Variants in UTP20 observed in about 807,000 individuals in gnomAD.
UTP20 encodes UTP20 small subunit processome component, also known as small subunit processome component 20 homolog.
Under a neutral mutation model 329.5 loss-of-function variants are expected in UTP20, and 164 were observed. The observed-to-expected ratio is 0.50, with a 90% CI of 0.44 to 0.57. The LOEUF (loss-of-function observed/expected upper bound fraction) is 0.57. UTP20 is among the 20% of genes least tolerant of loss of function. The pLI, the probability that UTP20 is intolerant of heterozygous loss-of-function variation, is 0.00. For synonymous variants in UTP20, 1,151 were observed against 1,159.3 expected, an observed-to-expected ratio of 0.99 and a Z score of 0.14; for missense variants, 3,055 against 3,284.2, an observed-to-expected ratio of 0.93 and a Z score of 1.71.
chr12:101,312,218 C>T lies in UTP20; in HGVS notation c.2494C>T (p.Pro832Ser). Residue 832 changes from proline (P) to serine (S), a missense_variant, in exon 21 of 62, where the codon CCA (proline) becomes TCA (serine). Physicochemically the swap from Pro to Ser is moderately conservative, Grantham distance 74. Around this residue, in one of 3 missense-constraint regions of UTP20, gnomAD observed 2,445 missense variants for 2,575.5 expected, o/e 0.95. Coordinates refer to ENST00000261637, the MANE Select transcript of UTP20 (RefSeq NM_014503.3). Reference sequence around the variant, plus strand: ...GCTCTGGAGAGCTCTGACCAAATTCCCAGAAAGAGTAGAGCCACGGTCCAG... The same window carrying T: ...GCTCTGGAGAGCTCTGACCAAATTCTCAGAAAGAGTAGAGCCACGGTCCAG... ...FLLWRALTKF[P>S]ERVEPRSREL... 6.2e-7 allele frequency: 1 copy of T among 1,614,200 alleles called. No individual in the cohort carries two copies. Among genetic ancestry groups the T allele is most frequent in the Non-Finnish European group, 8.5e-7 (1 of 1,180,026 alleles).
chr12:101,320,283 C>T (rs1187778912), intron 23 of UTP20, among the ~76,000 whole-genome samples: 1 of 152,168 alleles, frequency 6.6e-6, no homozygotes, highest in African/African-American at 2.4e-5. Flanking sequence ...AGGCTGCACA[C>T]AGTAGCTCAC....
At chr12:101,311,390 CT>C (rs981424068) in intron 19 of UTP20, among the ~76,000 whole-genome samples, 4 of 152,170 alleles carry the variant, frequency 2.6e-5, no homozygotes, top group Non-Finnish European at 4.4e-5. Context: ...TGACTTTTCT[CT>C]CCAGAGGGCC....
intron 46 of UTP20, among the ~76,000 whole-genome samples, chr12:101,366,186 C>A (rs1248648595): frequency 6.6e-6 from 1 of 152,010 alleles, no homozygotes; most frequent in Non-Finnish European, 1.5e-5. Context: ...GAGCCGAGAT[C>A]GCGCCACTGT....
rs752052870 is a variant in UTP20 at position 101,281,107 on chromosome 12, C to A, written c.46-9C>A. On this transcript the variant is annotated splice_polypyrimidine_tract_variant and intron_variant, in intron 1 of 61. Coordinates refer to ENST00000261637, the MANE Select transcript of UTP20 (RefSeq NM_014503.3). ...TAATTATGTATCTTAAATATACTTT[C>A]CCTTCCAGTTTCTTACATTTGCTGA... The A allele has an allele frequency of 6.2e-7, 1 of 1,605,866 alleles. No individual in the cohort carries two copies. Among genetic ancestry groups the A allele is most frequent in the Non-Finnish European group, 8.5e-7 (1 of 1,174,248 alleles).
At chr12:101,345,773 A>G in intron 37 of UTP20, 79 bp downstream of exon 37, 1 of 1,333,644 alleles carries the variant, frequency 7.5e-7, no homozygotes, top group Non-Finnish European at 1.0e-6. Flanking sequence ...TTGGAAAGAC[A>G]TGTTTTAACT....
chr12:101,354,261 CAAAAAAAAAA>C (rs71091489), intron 40 of UTP20, among the ~76,000 whole-genome samples: 3 of 80,010 alleles, frequency 3.7e-5, no homozygotes, highest in African/African-American at 7.5e-5. Context: ...GACTCTGTCT[CAAAAAAAAAA>C]AAAAAAAAAA....
rs1397959148 is a variant in UTP20 at position 101,370,286 on chromosome 12, A to AT, written c.6556-140dup. On this transcript the variant is annotated intron_variant, in intron 49 of 61. Coordinates refer to ENST00000261637, the MANE Select transcript of UTP20 (RefSeq NM_014503.3). ...ATTGCCCTTTGTGGTTATGGCCAAA[A>AT]TTTTTTCCAGAGTAATTTGCCAAGG... The AT allele has an allele frequency of 1.0e-5, 10 of 987,762 alleles. No homozygotes were observed. The East Asian group carries it at 1.5e-4, about 15-fold the overall frequency. 61.2% of individuals were successfully genotyped at this position (987,762 alleles called of 1,614,324 possible).
At chr12:101,379,986 A>G (rs1430572326) in intron 57 of UTP20, among the ~76,000 whole-genome samples, 3 of 152,052 alleles carry the variant, frequency 2.0e-5, no homozygotes, top group Non-Finnish European at 2.9e-5. Flanking sequence ...CACCCAGCTA[A>G]TAAGTTCTTT....
intron 25 of UTP20, among the ~76,000 whole-genome samples, chr12:101,324,250 A>ATTTATTTATTTC (rs1178935997): frequency 1.3e-5 from 2 of 151,426 alleles, no homozygotes; most frequent in South Asian, 2.1e-4. Context: ...TTATTTATTT[A>ATTTATTTATTTC]TTTCAGAGAC....
rs774908710 is a variant in UTP20 at position 101,385,713 on chromosome 12, G to C, written c.8187G>C (p.Lys2729Asn). The change falls in exon 61 of 62, where the codon AAG (lysine) becomes AAC (asparagine). Residue 2729 changes from lysine to asparagine, a missense_variant. This residue lies in a region of UTP20 where 337 missense variants were observed against 345.5 expected (regional missense o/e 0.98). Coordinates refer to ENST00000261637, the MANE Select transcript of UTP20 (RefSeq NM_014503.3). ...QANEKRALRK[K>N]RKALEFVTNP... ...ATGAGAAAAGGGCACTCCGGAAAAAGAGGAAGGCCCTGGAGGTAAGTTTGC... is the reference window on the plus strand; with the variant it reads ...ATGAGAAAAGGGCACTCCGGAAAAACAGGAAGGCCCTGGAGGTAAGTTTGC... 6.2e-7 allele frequency: 1 copy of C among 1,611,300 alleles called. No homozygotes were observed. Among genetic ancestry groups the C allele is most frequent in the South Asian group, 1.1e-5 (1 of 90,188 alleles).
intron 15 of UTP20, 63 bp from the exon 16 acceptor site, chr12:101,305,852 A>G (rs1224499433): frequency 3.6e-6 from 5 of 1,408,400 alleles, no homozygotes; most frequent in Non-Finnish European, 4.7e-6. Context: ...TGTGGCTTAT[A>G]CTATAGTCTA....
At position 101,351,992 on chromosome 12, in the gene UTP20, G is replaced by C. The variant is rs1161409695; in HGVS notation, c.4885-63G>C. On this transcript the variant is annotated intron_variant, in intron 38 of 61. Transcript: ENST00000261637. The stretch of plus-strand genomic sequence containing the variant: ...CTTACTAACTTTTTCAATATACTGA[G>C]TTAGCCTTGCATTTTATTAGCAAAT... 6 of 1,581,846 alleles carry C rather than the reference G, an allele frequency of 3.8e-6. No individual in the cohort carries two copies. The African/African-American group carries it at 6.8e-5, about 18-fold the overall frequency.
intron 46 of UTP20, among the ~76,000 whole-genome samples, 185 bp from the exon 47 acceptor site, chr12:101,366,373 C>A (rs1870094717): frequency 6.6e-6 from 1 of 152,054 alleles, no homozygotes; most frequent in African/African-American, 2.4e-5. Flanking sequence ...GTCCTAGTAA[C>A]CTTAATCAAC....
At position 101,373,739 on chromosome 12, in the gene UTP20, T is replaced by C; in HGVS notation, c.7103T>C (p.Met2368Thr). 2 of 1,611,750 alleles carry C rather than the reference T, an allele frequency of 1.2e-6. No homozygotes were observed. The highest frequency in any genetic ancestry group is 8.5e-7 in the Non-Finnish European group (1 of 1,179,608). ...GAGAAAAAAGATTGGCTGTTTGATA[T>C]GGTTACCACTTGGTTTGGAGCAAAA... Reference protein sequence around the residue: ...SLEKKDWLFDMVTTWFGAKKR... With the variant: ...SLEKKDWLFDTVTTWFGAKKR... The change falls in exon 54 of 62, where the codon ATG becomes ACG. Residue 2368 changes from methionine to threonine, a missense_variant. Around this residue, in one of 3 missense-constraint regions of UTP20, gnomAD observed 273 missense variants for 363.1 expected, o/e 0.75. Coordinates refer to ENST00000261637, the MANE Select transcript of UTP20 (RefSeq NM_014503.3).
At chr12:101,310,197 T>C (rs1012774308) in intron 19 of UTP20, among the ~76,000 whole-genome samples, 1 of 152,188 alleles carries the variant, frequency 6.6e-6, no homozygotes, top group African/African-American at 2.4e-5. Context: ...AGCCATACTT[T>C]AAAAATAAAG....
Position 101,356,940 on chromosome 12 carries a change from T to C in UTP20, c.5549T>C (p.Val1850Ala), listed in dbSNP as rs773676126. Residue 1850 changes from valine (V) to alanine (A), a missense_variant, in exon 43 of 62, where the codon GTG (valine) becomes GCG (alanine). Physicochemically the swap from Val to Ala is moderately conservative, Grantham distance 64. Transcript: ENST00000261637. ...EANLPSILLK[V>A]CALLKNRAQE... Reference sequence around the variant, plus strand: ...TCATTTTCTAGTATTTTGCTGAAAGTGTGTGCCCTACTCAAGAACAGAGCC... The same window carrying C: ...TCATTTTCTAGTATTTTGCTGAAAGCGTGTGCCCTACTCAAGAACAGAGCC... 3.7e-6 allele frequency: 6 copies of C among 1,608,950 alleles called. No individual in the cohort carries two copies. The highest frequency in any genetic ancestry group is 1.1e-5 in the South Asian group (1 of 89,386).
chr12:101,367,761 T>G lies in UTP20; in HGVS notation c.6268-99T>G, dbSNP rs1485834369. 8.0e-6 allele frequency: 6 copies of G among 746,468 alleles called. No homozygotes were observed. In the Admixed American group the frequency reaches 1.3e-4, roughly 16 times the overall value. The allele number at this position is 746,468 out of a possible 1,614,324, so 46.2% of individuals were successfully genotyped here. A position where few individuals can be genotyped will look rare whatever the true frequency, so the allele number is the denominator to read the frequency against. Reference sequence around the variant, plus strand: ...TTTTATCATTTCTAATAGAAGTATCTTAACATTTCTTGCTTTTCTCTGAAC... The same window carrying G: ...TTTTATCATTTCTAATAGAAGTATCGTAACATTTCTTGCTTTTCTCTGAAC... On this transcript the variant is annotated intron_variant, in intron 47 of 61. Transcript: ENST00000261637.
intron 48 of UTP20, among the ~76,000 whole-genome samples, chr12:101,369,426 A>G (rs1176042096): frequency 1.3e-5 from 2 of 151,964 alleles, no homozygotes; most frequent in African/African-American, 4.8e-5. Flanking sequence ...AGACCAGCCC[A>G]AAAATGTTTA....
chr12:101,289,022 T>C lies in UTP20; in HGVS notation c.578T>C (p.Phe193Ser). 1 of 1,613,706 alleles carries C rather than the reference T, an allele frequency of 6.2e-7. No individual in the cohort carries two copies. The highest frequency in any genetic ancestry group is 1.3e-5 in the African/African-American group (1 of 75,044). ...LHIRNFAAES[F>S]TFLMRKVSDK... Reference sequence around the variant, plus strand: ...ATAAGAAATTTTGCTGCTGAAAGTTTTACTTTTTTGATGAGAAAGGTTAGT... The same window carrying C: ...ATAAGAAATTTTGCTGCTGAAAGTTCTACTTTTTTGATGAGAAAGGTTAGT... The change falls in exon 6 of 62, where the codon TTT becomes TCT. Residue 193 changes from phenylalanine to serine, a missense_variant. Coordinates refer to ENST00000261637, the MANE Select transcript of UTP20 (RefSeq NM_014503.3).
Sources: allele counts gnomAD v4.1 joint callset (sites outside exome capture counted in the v4.1 genomes callset), GRCh38; gene constraint gnomAD v4.1.1; regional missense constraint gnomAD v4.1.1; transcripts MANE v1.5; gene names NCBI Gene and HGNC (gene_info 2026-07-23, HGNC 2026-07-21).